The following PTK2B variants were observed in gnomAD, a reference collection of about 807,000 sequenced individuals.
The protein encoded by PTK2B is protein-tyrosine kinase 2-beta.
A neutral mutation model predicts 142.9 loss-of-function variants in PTK2B; 71 were observed. The observed-to-expected ratio is 0.50, with a 90% CI of 0.41 to 0.61. PTK2B has a LOEUF of 0.61. Among genes scored for constraint, PTK2B ranks in the 20% least tolerant of loss-of-function variants. The pLI is 0.00. For missense variants in PTK2B, 1,105 were observed against 1,320.4 expected, an observed-to-expected ratio of 0.84 and a Z score of 2.53; for synonymous variants, 519 against 503.4, an observed-to-expected ratio of 1.03 and a Z score of -0.42.
chr8:27,430,503 A>C, intron 7 of PTK2B, 85 bp downstream of exon 7: 1 of 1,558,764 alleles, frequency 6.4e-7, no homozygotes, highest in Non-Finnish European at 8.8e-7. Context: ...GGGGATACTC[A>C]GAGAAGCCAG....
At chr8:27,443,988 C>T (rs1215162339) in intron 22 of PTK2B, among the ~76,000 whole-genome samples, 2 of 152,204 alleles carry the variant, frequency 1.3e-5, no homozygotes, top group African/African-American at 2.4e-5. Flanking sequence ...GCCATAGCCC[C>T]GGGAGGGCAG....
rs765628061 is a variant in PTK2B, at chr8:27,435,732, T to C, written c.1193-11T>C. 47 of 1,613,988 alleles carry C rather than the reference T, an allele frequency of 2.9e-5. No individual in the cohort carries two copies. Among genetic ancestry groups the C allele is most frequent in the Non-Finnish European group, 2.5e-6 (3 of 1,179,996 alleles). On this transcript the variant is annotated splice_polypyrimidine_tract_variant and intron_variant, in intron 13 of 30. Transcript: ENST00000346049. ...TCTTGTCCACGGCTGAGCCTCTTCC[T>C]GTTGTTCCAGAGTCAGACATCTACG...
At chr8:27,382,011 A>G (rs1048947284) in intron 1 of PTK2B, among the ~76,000 whole-genome samples, 4 of 152,182 alleles carry the variant, frequency 2.6e-5, no homozygotes, top group Non-Finnish European at 5.9e-5. Flanking sequence ...ATGCAGTGGC[A>G]TGATCTCGGC....
chr8:27,330,419 C>T (rs771427549), intron 1 of PTK2B, among the ~76,000 whole-genome samples: 1 of 152,194 alleles, frequency 6.6e-6, no homozygotes, highest in Non-Finnish European at 1.5e-5. Context: ...TTTGTTTCTG[C>T]CTAATCCCAC....
chr8:27,433,697 G>A lies in PTK2B; in HGVS notation c.1105+145G>A, dbSNP rs1586314392. The stretch of plus-strand genomic sequence containing the variant: ...CAGCCCAGCGGGAAGCTTCCAGTGG[G>A]CCCATCTTAGGCTTTAAGCCCTGGC... On this transcript the variant is annotated intron_variant, in intron 11 of 30. Transcript: ENST00000346049. 1.5e-5 allele frequency: 11 copies of A among 743,742 alleles called. No homozygotes were observed. The East Asian group carries it at 2.6e-4, about 18-fold the overall frequency. The allele number at this position is 743,742 out of a possible 1,614,324, so 46.1% of individuals were successfully genotyped here. A position where few individuals can be genotyped will look rare whatever the true frequency, so the allele number is the denominator to read the frequency against.
chr8:27,318,070 C>T (rs1195049497), intron 3 of PTK2B, among the ~76,000 whole-genome samples: 1 of 152,028 alleles, frequency 6.6e-6, no homozygotes, highest in Non-Finnish European at 1.5e-5. Flanking sequence ...GACAATAATA[C>T]TCTACTGTGC....
At chr8:27,351,337 A>G (rs1805078703) in intron 1 of PTK2B, among the ~76,000 whole-genome samples, 1 of 152,066 alleles carries the variant, frequency 6.6e-6, no homozygotes, top group Non-Finnish European at 1.5e-5. Context: ...ACCTGGTCCA[A>G]TCCCTTTAAT....
chr8:27,330,950 G>A (rs888075340), intron 1 of PTK2B, among the ~76,000 whole-genome samples: 2 of 152,166 alleles, frequency 1.3e-5, no homozygotes, highest in African/African-American at 4.8e-5. Context: ...ACCAAGATCA[G>A]CAATGGCCAA....
At chr8:27,318,199 C>A (rs935615640) in intron 3 of PTK2B, among the ~76,000 whole-genome samples, 66 of 152,142 alleles carry the variant, frequency 4.3e-4, no homozygotes, top group African/African-American at 1.6e-3. Flanking sequence ...TTTTTCCTGT[C>A]TAGAAGTTCT....
intron 1 of PTK2B, among the ~76,000 whole-genome samples, chr8:27,312,078 C>T (rs1213386131): frequency 5.9e-5 from 9 of 152,170 alleles, no homozygotes; most frequent in Non-Finnish European, 1.2e-4. Context: ...GCTGAGATAA[C>T]TAGAGTTCAT....
chr8:27,372,237 GT>G (rs1389739399), intron 1 of PTK2B, among the ~76,000 whole-genome samples: 3 of 152,296 alleles, frequency 2.0e-5, no homozygotes, highest in East Asian at 3.9e-4. Context: ...ATTAGTCCAA[GT>G]TCCCCAGAGA....
chr8:27,390,473 C>T (rs1047900674), intron 1 of PTK2B, among the ~76,000 whole-genome samples: 1 of 151,762 alleles, frequency 6.6e-6, no homozygotes, highest in Non-Finnish European at 1.5e-5. Flanking sequence ...TATCTCTATA[C>T]AAAATAAAAA....
intron 5 of PTK2B, among the ~76,000 whole-genome samples, chr8:27,426,418 T>C (rs1377443029): frequency 1.3e-5 from 2 of 152,160 alleles, no homozygotes; most frequent in Admixed American, 1.3e-4. Context: ...ACAGCCTCAC[T>C]CAGTGTTGGC....
chr8:27,439,107 A>G lies in PTK2B; in HGVS notation c.1720A>G (p.Ile574Val), dbSNP rs1161515156. Residue 574 changes from isoleucine to valine, a missense_variant, in exon 19 of 31, where the codon ATT becomes GTT. Physicochemically the swap from Ile to Val is conservative, Grantham distance 29 (BLOSUM62 3). Transcript: ENST00000346049. The stretch of plus-strand genomic sequence containing the variant: ...GGGGGACTTTGGTCTTTCCCGGTAC[A>G]TTGAGGACGAGGACTATTACAAAGG... ...KLGDFGLSRYIEDEDYYKASV... is the reference protein window; with the variant it reads ...KLGDFGLSRYVEDEDYYKASV... 2 of 1,613,760 alleles carry G rather than the reference A, an allele frequency of 1.2e-6. No individual in the cohort carries two copies. Among genetic ancestry groups the G allele is most frequent in the Admixed American group, 1.7e-5 (1 of 60,004 alleles).
chr8:27,459,057 C>T lies in PTK2B; in HGVS notation c.*548C>T, dbSNP rs560080194. ...TTTGGTCTGGACTGACAGCATGTGC[C>T]CTCCTGAGGGAGGACCTGGGGCACA... On this transcript the variant is annotated 3_prime_UTR_variant, in exon 31 of 31. Transcript: ENST00000346049. 4.0e-6 allele frequency: 1 copy of T among 251,586 alleles called. No individual in the cohort carries two copies. The highest frequency in any genetic ancestry group is 1.2e-4 in the South Asian group (1 of 8,594). 15.6% of individuals were successfully genotyped at this position (251,586 alleles called of 1,614,324 possible). A position where few individuals can be genotyped will look rare whatever the true frequency, so the allele number is the denominator to read the frequency against.
intron 3 of PTK2B, among the ~76,000 whole-genome samples, chr8:27,319,878 C>A (rs562183038): frequency 2.8e-4 from 42 of 152,130 alleles, no homozygotes; most frequent in African/African-American, 9.9e-4. Flanking sequence ...AAAAGAAAAA[C>A]GCTGCATATT....
In PTK2B at chr8:27,424,749, C is replaced by A. The variant is rs1299255789; in HGVS notation, c.551+2366C>A. Among the ~76,000 whole-genome samples, 8 of 152,172 alleles carry A rather than the reference C, an allele frequency of 5.3e-5. No individual in the cohort carries two copies. In the East Asian group the frequency reaches 1.5e-3, roughly 29 times the overall value. On this transcript the variant is annotated intron_variant, in intron 5 of 30. Transcript: ENST00000346049. The stretch of plus-strand genomic sequence containing the variant: ...GGCCATAAGGCAGAATTTTCTAGGG[C>A]TGTGGCTCTTGCCTAAAAATGTCCC...
intron 2 of PTK2B, among the ~76,000 whole-genome samples, chr8:27,418,095 T>G (rs1809513161): frequency 6.6e-6 from 1 of 152,266 alleles, no homozygotes; most frequent in African/African-American, 2.4e-5. Context: ...TTCTGATTCC[T>G]GCACTGGTTG....
At chr8:27,435,612 G>A (rs374428585) in intron 13 of PTK2B, 131 bp from the exon 14 acceptor site, 5 of 1,101,142 alleles carry the variant, frequency 4.5e-6, no homozygotes, top group Admixed American at 3.9e-5. Context: ...CTGGGAGCCC[G>A]GGACATGCCT....
Sources: gnomAD v4.1 joint callset for allele counts (sites outside exome capture counted in the v4.1 genomes callset) on GRCh38, gnomAD v4.1.1 for gene constraint, MANE v1.5 for transcripts, NCBI Gene and HGNC (gene_info 2026-07-23, HGNC 2026-07-21) for gene names.